Variants in QTGAL observed in about 807,000 individuals in gnomAD.
QTGAL encodes the protein BGnT-like protein 1.
chr17:82,942,227 C>T, the QTGAL span: 1 of 601,152 alleles, frequency 1.7e-6, no homozygotes, highest in Non-Finnish European at 2.9e-6. Flanking sequence ...AGTGAACCTC[C>T]CTTCCCGCTC....
chr17:82,964,615 T>C, the QTGAL span, among the ~76,000 whole-genome samples: 9 of 121,988 alleles, frequency 7.4e-5, no homozygotes, highest in Non-Finnish European at 1.1e-4. Context: ...CATGGATGCC[T>C]GCAGGTGCAC....
At chr17:82,980,466 C>T in the QTGAL span, among the ~76,000 whole-genome samples, 7 of 152,180 alleles carry the variant, frequency 4.6e-5, no homozygotes, top group African/African-American at 7.2e-5. Context: ...CCCGTGACCC[C>T]TTCTCTTCAA....
At chr17:83,043,449 C>A in the QTGAL span, among the ~76,000 whole-genome samples, 1 of 152,032 alleles carries the variant, frequency 6.6e-6, no homozygotes. Flanking sequence ...AATCATAAGG[C>A]TAATTAGAAT....
chr17:83,023,365 G>C, the QTGAL span, among the ~76,000 whole-genome samples: 154 of 137,126 alleles, frequency 1.1e-3, 3 homozygotes, highest in African/African-American at 3.6e-3. Flanking sequence ...ACTGTCCCCG[G>C]CCCACCTGCA....
At chr17:82,957,271 C>A in the QTGAL span, 28 of 1,614,022 alleles carry the variant, frequency 1.7e-5, no homozygotes, top group Non-Finnish European at 2.2e-5. Flanking sequence ...CACAGAAGGG[C>A]AGCTCTGGAC....
chr17:82,964,246 A>G, the QTGAL span, among the ~76,000 whole-genome samples: 5 of 97,602 alleles, frequency 5.1e-5, no homozygotes, highest in Admixed American at 7.6e-4. Context: ...ACAGAGTGAG[A>G]CCCTGTCTCA....
chr17:83,008,210 C>A, the QTGAL span, among the ~76,000 whole-genome samples: 1 of 152,196 alleles, frequency 6.6e-6, no homozygotes, highest in African/African-American at 2.4e-5. Context: ...GAATGAGAGG[C>A]CTGTGCGCTG....
the QTGAL span, chr17:83,005,507 G>T: frequency 1.5e-6 from 1 of 686,950 alleles, no homozygotes; most frequent in South Asian, 1.5e-5. The surrounding 1 kb of genome is among the most constrained non-coding windows in gnomAD (Gnocchi z 5.6). Context: ...TGTCACAGAT[G>T]ACATTTCCCC....
chr17:83,025,634 C>T, the QTGAL span, among the ~76,000 whole-genome samples: 1 of 149,756 alleles, frequency 6.7e-6, no homozygotes, highest in East Asian at 2.0e-4. Flanking sequence ...AGAGTCCACA[C>T]ACGGACACCG....
chr17:82,959,698 C>T, the QTGAL span, among the ~76,000 whole-genome samples: 1 of 151,540 alleles, frequency 6.6e-6, no homozygotes, highest in Admixed American at 6.6e-5. Flanking sequence ...CAGAAGAAAG[C>T]GGGGGGCCTC....
At chr17:83,039,240 C>A in the QTGAL span, among the ~76,000 whole-genome samples, 2 of 149,286 alleles carry the variant, frequency 1.3e-5, no homozygotes, top group Admixed American at 6.7e-5. Flanking sequence ...TCTAGACACA[C>A]TGCTGGGCGC....
chr17:83,008,168 T>G, the QTGAL span, among the ~76,000 whole-genome samples: 3 of 150,812 alleles, frequency 2.0e-5, no homozygotes, highest in African/African-American at 7.3e-5. Flanking sequence ...GCACCGCACC[T>G]AGCACAGGGC....
the QTGAL span, among the ~76,000 whole-genome samples, chr17:83,036,404 G>A: frequency 4.6e-5 from 7 of 152,208 alleles, no homozygotes; most frequent in African/African-American, 1.2e-4. Flanking sequence ...TGGGGGCTGC[G>A]ATCTTCTGTT....
At chr17:82,943,769 C>T in the QTGAL span, 1 of 152,150 alleles carries the variant, frequency 6.6e-6, no homozygotes, top group African/African-American at 2.4e-5. Context: ...GTCTTTATAC[C>T]CTAAAAGAGC....
At chr17:83,051,592 G>T in the QTGAL span, 1 of 843,882 alleles carries the variant, frequency 1.2e-6, no homozygotes, top group Non-Finnish European at 1.7e-6. Context: ...GGGGCCTAAG[G>T]GCTGCTCAGG....
chr17:83,006,434 A>T, the QTGAL span: 1 of 985,086 alleles, frequency 1.0e-6, no homozygotes, highest in Non-Finnish European at 1.2e-6. The surrounding 1 kb of genome is among the most constrained non-coding windows in gnomAD (Gnocchi z 5.8). Context: ...TGTAAGAAAC[A>T]ACTGTAGAGA....
chr17:83,015,977 T>C, the QTGAL span, among the ~76,000 whole-genome samples: 323 of 152,288 alleles, frequency 2.1e-3, 1 homozygote, highest in African/African-American at 7.4e-3. The surrounding 1 kb of genome is among the most constrained non-coding windows in gnomAD (Gnocchi z 4.4). Context: ...CATTATAACC[T>C]TGAAGATCAG....
At chr17:83,019,124 T>G in the QTGAL span, among the ~76,000 whole-genome samples, 1 of 152,118 alleles carries the variant, frequency 6.6e-6, no homozygotes, top group South Asian at 2.1e-4. Flanking sequence ...TCCTCATGCC[T>G]CTGAGTCCAC....
At chr17:83,027,945 C>T in the QTGAL span, among the ~76,000 whole-genome samples, 1 of 151,920 alleles carries the variant, frequency 6.6e-6, no homozygotes, top group African/African-American at 2.4e-5. Flanking sequence ...GAAACCCCAT[C>T]TCTACTAAAA....
Sources: gnomAD v4.1 joint callset for allele counts (sites outside exome capture counted in the v4.1 genomes callset) on GRCh38, gnomAD v4.1.1 for gene constraint, Gnocchi (gnomAD v3.1) non-coding constraint, MANE v1.5 for transcripts, NCBI Gene and HGNC (gene_info 2026-07-23, HGNC 2026-07-21) for gene names.